The following CASZ1 variants were observed in gnomAD, a reference collection of about 807,000 sequenced individuals.
The protein encoded by CASZ1 is zinc finger protein castor homolog 1.
In CASZ1, 28 loss-of-function variants were observed where a neutral mutation model predicts 135.2. The ratio of observed to expected loss-of-function variants is 0.21; its 90% CI spans 0.15 to 0.28. The LOEUF (loss-of-function observed/expected upper bound fraction) is 0.28. Ranked by LOEUF, CASZ1 falls within the 10% of genes least tolerant of loss-of-function variation. The pLI is 1.00. For synonymous variants in CASZ1, 1,068 were observed against 1,073.4 expected, an observed-to-expected ratio of 0.99 and a Z score of 0.10; for missense variants, 2,161 against 2,453.3, an observed-to-expected ratio of 0.88 and a Z score of 2.52.
chr1:10,662,032 TCACA>T (rs1369545063), intron 5 of CASZ1, among the ~76,000 whole-genome samples: 1 of 148,140 alleles, frequency 6.8e-6, no homozygotes, highest in Non-Finnish European at 1.5e-5. Context: ...TCATACACTC[TCACA>T]CACCCACATT....
rs150114868 is a variant in CASZ1, at chr1:10,780,589, G to A, written c.-234+15975C>T. On this transcript the variant is annotated intron_variant, in intron 1 of 20. Transcript: ENST00000377022. ...TAATAAATATATACAGTCACCAAAC[G>A]GGGGAAAAACACTAGACAGAAATAC... 3.9e-3 allele frequency among the ~76,000 whole-genome samples: 601 copies of A among 152,222 alleles called. 5 individuals are homozygous for A. The highest frequency in any genetic ancestry group is 6.7e-3 in the Admixed American group (102 of 15,294).
intron 2 of CASZ1, among the ~76,000 whole-genome samples, chr1:10,715,058 A>C (rs1379687300): frequency 6.6e-6 from 1 of 152,164 alleles, no homozygotes; most frequent in Non-Finnish European, 1.5e-5. Context: ...CACGGGCTCC[A>C]CCTTTCCTCG....
At position 10,727,399 on chromosome 1, in the gene CASZ1, A is replaced by G. The variant is rs542533909; in HGVS notation, c.-76-21855T>C. 1.3e-5 allele frequency among the ~76,000 whole-genome samples: 2 copies of G among 151,926 alleles called. No homozygotes were observed. The highest frequency in any genetic ancestry group is 4.1e-4 in the South Asian group (2 of 4,820). On this transcript the variant is annotated intron_variant, in intron 2 of 20. Coordinates refer to ENST00000377022, the MANE Select transcript of CASZ1 (RefSeq NM_001079843.3). This position sits in a 1 kb window ranked among gnomAD's most constrained non-coding sequence, Gnocchi z 5.3. ...AAGGCCTTTTAAGTCCAGAAAAGAA[A>G]AAAAAAAACAACCCAGCCTCCCAGA...
chr1:10,659,914 G>A lies in CASZ1; in HGVS notation c.1128C>T (p.Tyr376=), dbSNP rs535551834. 8 of 1,611,928 alleles carry A rather than the reference G, an allele frequency of 5.0e-6. No individual in the cohort carries two copies. Among genetic ancestry groups the A allele is most frequent in the South Asian group, 2.2e-5 (2 of 91,044 alleles). Residue 376 remains tyrosine (Y), a synonymous_variant, in exon 6 of 21, where the codon TAC becomes TAT. Transcript: ENST00000377022. The part of the protein sequence containing the change: ...KTGKVGRPSK[Y]DVRGIQKPGP... ...CTGGCTTCTGGATGCCCCGGACGTC[G>A]TACTTGGAAGGGCGCCCCACCTTGC...
At chr1:10,765,047 T>C (rs1394584640) in intron 1 of CASZ1, among the ~76,000 whole-genome samples, 1 of 152,114 alleles carries the variant, frequency 6.6e-6, no homozygotes, top group African/African-American at 2.4e-5. Flanking sequence ...GGGCTTTATC[T>C]TTGGGGGCGT....
At position 10,725,718 on chromosome 1, in the gene CASZ1, T is replaced by TC. The variant is rs1179511233; in HGVS notation, c.-76-20175_-76-20174insG. Among the ~76,000 whole-genome samples the TC allele has an allele frequency of 7.8e-6, 1 of 128,784 alleles. No homozygotes were observed. Among genetic ancestry groups the TC allele is most frequent in the Non-Finnish European group, 1.6e-5 (1 of 60,712 alleles). 84.5% of individuals were successfully genotyped at this position (128,784 alleles called of 152,430 possible). On this transcript the variant is annotated intron_variant, in intron 2 of 20. Transcript: ENST00000377022. This position sits in a 1 kb window ranked among gnomAD's most constrained non-coding sequence, Gnocchi z 4.4. ...GTGGAAGCCAGGTTCTGGAAAGCCC[T>TC]TTTTTTTTTTTTACTAGGAGACCCC...
intron 3 of CASZ1, among the ~76,000 whole-genome samples, chr1:10,702,546 G>A (rs375791593): frequency 9.2e-5 from 14 of 152,332 alleles, no homozygotes; most frequent in African/African-American, 3.4e-4. Context: ...AGGGCAGAAG[G>A]CCAAGCCAAG....
At chr1:10,685,406 A>G (rs1638553775) in intron 4 of CASZ1, among the ~76,000 whole-genome samples, 1 of 152,240 alleles carries the variant, frequency 6.6e-6, no homozygotes, top group African/African-American at 2.4e-5. Context: ...AGCGTGTTCT[A>G]TTTTTAATTG....
intron 2 of CASZ1, among the ~76,000 whole-genome samples, chr1:10,744,133 T>C (rs1415934136): frequency 2.6e-5 from 4 of 151,794 alleles, no homozygotes; most frequent in Non-Finnish European, 5.9e-5. Context: ...TGCCCCCTGA[T>C]TTTAGATAAA....
chr1:10,643,812 G>A (rs1247705534), intron 18 of CASZ1, among the ~76,000 whole-genome samples: 3 of 152,198 alleles, frequency 2.0e-5, no homozygotes, highest in Admixed American at 6.5e-5. Context: ...CTGCCATGGC[G>A]CCCAGGCCGG....
At chr1:10,743,406 G>T (rs971085524) in intron 2 of CASZ1, among the ~76,000 whole-genome samples, 1 of 150,588 alleles carries the variant, frequency 6.6e-6, no homozygotes. Context: ...GGGAGAAAGG[G>T]CTCAGAATGA....
chr1:10,647,760 G>T lies in CASZ1; in HGVS notation c.3497+41C>A, dbSNP rs542864814. ...CCTTGCTAGCACCTACTCCCGAGAC[G>T]CGAGGGGAACGCGGGACTCCCGGCT... On this transcript the variant is annotated intron_variant, in intron 16 of 20. Transcript: ENST00000377022. This position sits in a 1 kb window ranked among gnomAD's most constrained non-coding sequence, Gnocchi z 4.9. The T allele has an allele frequency of 3.1e-6, 5 of 1,610,592 alleles. No individual in the cohort carries two copies. The highest frequency in any genetic ancestry group is 2.2e-5 in the South Asian group (2 of 91,020).
Position 10,660,490 on chromosome 1 carries a change from C to G in CASZ1, c.552G>C (p.Glu184Asp). ...CATCATAGCCAAACATGCCGAGGAA[C>G]TCGGTCATGGTGGAGGCCGCGTAGT... ...LRDYAASTMTEFLGMFGYDDQ... is the reference protein window; with the variant it reads ...LRDYAASTMTDFLGMFGYDDQ... The change falls in exon 6 of 21, where the codon GAG becomes GAC. Residue 184 changes from glutamate to aspartate, a missense_variant. Physicochemically the swap from Glu to Asp is conservative, Grantham distance 45. Transcript: ENST00000377022. The G allele has an allele frequency of 6.2e-7, 1 of 1,614,008 alleles. No individual in the cohort carries two copies. The highest frequency in any genetic ancestry group is 8.5e-7 in the Non-Finnish European group (1 of 1,180,002).
At chr1:10,728,976 CCA>C (rs1639647576) in intron 2 of CASZ1, among the ~76,000 whole-genome samples, 1 of 152,180 alleles carries the variant, frequency 6.6e-6, no homozygotes, top group African/African-American at 2.4e-5. Flanking sequence ...CCTTCCCCCC[CCA>C]CTCTCCGGAC....
rs549582555 is a variant in CASZ1, at chr1:10,680,573, C to T, written c.16+13301G>A. ...TGCACGCTCCAGCATTACTGTGTCA[C>T]ACTCCAGAGCGCAAAGGGTAGGGCA... On this transcript the variant is annotated intron_variant, in intron 4 of 20. Transcript: ENST00000377022. Among the ~76,000 whole-genome samples, 29 of 152,328 alleles carry T rather than the reference C, an allele frequency of 1.9e-4. 1 individual carries two copies. Among genetic ancestry groups the T allele is most frequent in the Middle Eastern group, 3.4e-3 (1 of 294 alleles).
chr1:10,671,153 G>C (rs769410988), intron 4 of CASZ1, among the ~76,000 whole-genome samples: 1 of 152,202 alleles, frequency 6.6e-6, no homozygotes, highest in Admixed American at 6.5e-5. Context: ...CTCACTTAGC[G>C]TAAGTAACTC....
In CASZ1 at chr1:10,639,542, G is replaced by A. The variant is rs1394511678; in HGVS notation, c.4680C>T (p.Pro1560=). The A allele has an allele frequency of 3.7e-6, 6 of 1,610,664 alleles. No homozygotes were observed. Among genetic ancestry groups the A allele is most frequent in the African/African-American group, 2.7e-5 (2 of 74,906 alleles). The change falls in exon 21 of 21, where the codon CCC becomes CCT. Residue 1560 remains proline (P), a synonymous_variant. Transcript: ENST00000377022. The surrounding 1 kb of genome is among the most constrained non-coding windows in gnomAD (Gnocchi z 4.0). ...AGCACTTGAGCTTGTACTTGCAGTCGGGCACGGCGCAGTCGGCGCTGGAGC... is the reference window on the plus strand; with the variant it reads ...AGCACTTGAGCTTGTACTTGCAGTCAGGCACGGCGCAGTCGGCGCTGGAGC... ...QFSSSADCAV[P]DCKYKLKCSH...
chr1:10,653,618 C>A lies in CASZ1; in HGVS notation c.2439G>T (p.Leu813=). 1 of 1,550,584 alleles carries A rather than the reference C, an allele frequency of 6.4e-7. No individual in the cohort carries two copies. Among genetic ancestry groups the A allele is most frequent in the Non-Finnish European group, 8.7e-7 (1 of 1,147,654 alleles). ...PILAGRGSTS[L]PVGTPSLLGA... Reference sequence around the variant, plus strand: ...CCAGGAGGCTGGGGGTGCCCACAGGCAGGGAGGTGCTCCCACGGCCAGCCA... The same window carrying A: ...CCAGGAGGCTGGGGGTGCCCACAGGAAGGGAGGTGCTCCCACGGCCAGCCA... Residue 813 remains leucine, a synonymous_variant, in exon 11 of 21, where the codon CTG becomes CTT. Coordinates refer to ENST00000377022, the MANE Select transcript of CASZ1 (RefSeq NM_001079843.3).
rs926840787 is a variant in CASZ1, at chr1:10,650,620, C to A, written c.2880+72G>T. 2.3e-6 allele frequency: 3 copies of A among 1,279,386 alleles called. No homozygotes were observed. In the African/African-American group the frequency reaches 4.4e-5, roughly 19 times the overall value. The allele number at this position is 1,279,386 out of a possible 1,614,324, so 79.3% of individuals were successfully genotyped here. ...GCAAAACATTAAAAAACAAACACAT[C>A]CCCCCACCCCCCAGCACAGCTTTAA... On this transcript the variant is annotated intron_variant, in intron 13 of 20. Transcript: ENST00000377022.
Sources: allele counts gnomAD v4.1 joint callset (sites outside exome capture counted in the v4.1 genomes callset), GRCh38; gene constraint gnomAD v4.1.1; non-coding constraint Gnocchi (gnomAD v3.1); transcripts MANE v1.5; gene names NCBI Gene and HGNC (gene_info 2026-07-23, HGNC 2026-07-21).